Variants in FGF10 observed in about 807,000 individuals in gnomAD.
FGF10 encodes fibroblast growth factor 10, also known as FGF-10.
Under a neutral mutation model 19.8 loss-of-function variants are expected in FGF10, and 2 were observed. That is an observed-to-expected ratio of 0.10 (90% CI 0.04 to 0.32). The LOEUF is 0.32. Ranked by LOEUF, FGF10 falls within the 10% of genes least tolerant of loss-of-function variation. The probability of loss-of-function intolerance (pLI) is 1.00; values close to 1 mark genes in which losing one functional copy is unlikely to be tolerated. For synonymous variants in FGF10, 112 were observed against 94.0 expected (o/e 1.19, Z -1.10); for missense variants, 191 against 246.3 (o/e 0.78, Z 1.50).
chr5:44,355,402 G>A (rs886672261), intron 1 of FGF10, among the ~76,000 whole-genome samples: 8 of 151,316 alleles, frequency 5.3e-5, no homozygotes, highest in Admixed American at 4.6e-4. Context: ...AACAGTATAA[G>A]GATCTGATAT....
chr5:44,370,230 C>G (rs545350505), intron 1 of FGF10, among the ~76,000 whole-genome samples: 2 of 152,204 alleles, frequency 1.3e-5, no homozygotes, highest in Admixed American at 1.3e-4. Flanking sequence ...TAGAAAGAAT[C>G]TTCTTATAAA....
chr5:44,319,427 G>T (rs1012576782), intron 1 of FGF10, among the ~76,000 whole-genome samples: 7 of 151,892 alleles, frequency 4.6e-5, no homozygotes, highest in Non-Finnish European at 8.8e-5. Flanking sequence ...TAATAAAATG[G>T]GTCAGTAGAG....
intron 1 of FGF10, among the ~76,000 whole-genome samples, chr5:44,326,093 T>C (rs1740608599): frequency 6.6e-6 from 1 of 152,066 alleles, no homozygotes; most frequent in African/African-American, 2.4e-5. Context: ...AAAATAGACA[T>C]GCCCTTAAAA....
At chr5:44,358,631 T>C (rs560553520) in intron 1 of FGF10, among the ~76,000 whole-genome samples, 1 of 151,560 alleles carries the variant, frequency 6.6e-6, no homozygotes, top group East Asian at 2.0e-4. Flanking sequence ...CAGACATAAT[T>C]AACCCCAGTA....
chr5:44,321,053 C>T (rs1740474235), intron 1 of FGF10, among the ~76,000 whole-genome samples: 1 of 152,016 alleles, frequency 6.6e-6, no homozygotes, highest in Non-Finnish European at 1.5e-5. Flanking sequence ...TGAAGGACAC[C>T]ACTTCATCAA....
chr5:44,355,785 T>C (rs1195068690), intron 1 of FGF10, among the ~76,000 whole-genome samples: 1 of 151,422 alleles, frequency 6.6e-6, no homozygotes, highest in Non-Finnish European at 1.5e-5. Context: ...ATTTAAAGCG[T>C]CATGATTCAG....
rs762407366 is a variant in FGF10 at position 44,388,380 on chromosome 5, G to T, written c.303C>A (p.Thr101=). 1.2e-6 allele frequency: 2 copies of T among 1,613,404 alleles called. No homozygotes were observed. Among genetic ancestry groups the T allele is most frequent in the African/African-American group, 1.3e-5 (1 of 74,896 alleles). Residue 101 remains threonine (T), a synonymous_variant, in exon 1 of 3, where the codon ACC becomes ACA. Coordinates refer to ENST00000264664, the MANE Select transcript of FGF10 (RefSeq NM_004465.2). ...KIEKNGKVSG[T]KKENCPYSIL... The stretch of plus-strand genomic sequence containing the variant: ...TACTGTACGGGCAGTTCTCCTTCTT[G>T]GTCCCGCTGACCTTCCCGTTCTTCT...
At position 44,304,897 on chromosome 5, in the gene FGF10, G is replaced by T; in HGVS notation, c.*98C>A. 3 of 1,222,492 alleles carry T rather than the reference G, an allele frequency of 2.5e-6. No homozygotes were observed. The highest frequency in any genetic ancestry group is 1.2e-5 in the South Asian group (1 of 82,404). The allele number at this position is 1,222,492 out of a possible 1,614,324, so 75.7% of individuals were successfully genotyped here. On this transcript the variant is annotated 3_prime_UTR_variant, in exon 3 of 3. Transcript: ENST00000264664. The stretch of plus-strand genomic sequence containing the variant: ...TTTTAAGCAAGCAGACATCTGCAAC[G>T]TGTCTTTGCCTTTCAATCTACTGTC...
chr5:44,321,356 A>T (rs1740482381), intron 1 of FGF10, among the ~76,000 whole-genome samples: 1 of 152,220 alleles, frequency 6.6e-6, no homozygotes, highest in Non-Finnish European at 1.5e-5. Context: ...ACAAGGCAAC[A>T]ATGCTTGTTT....
chr5:44,365,844 A>G (rs1561215827), intron 1 of FGF10, among the ~76,000 whole-genome samples: 1 of 152,034 alleles, frequency 6.6e-6, no homozygotes, highest in Non-Finnish European at 1.5e-5. Flanking sequence ...TCTGGGCAAT[A>G]AGAGTCAGAG....
At chr5:44,343,246 T>A (rs552924239) in intron 1 of FGF10, among the ~76,000 whole-genome samples, 2 of 152,172 alleles carry the variant, frequency 1.3e-5, no homozygotes, top group African/African-American at 4.8e-5. Context: ...TAAAGTCTTA[T>A]CAAATGACAA....
chr5:44,368,875 C>G (rs1471618814), intron 1 of FGF10, among the ~76,000 whole-genome samples: 2 of 151,984 alleles, frequency 1.3e-5, no homozygotes, highest in Non-Finnish European at 2.9e-5. Flanking sequence ...CTTATGTTGT[C>G]CAGACTGATC....
chr5:44,324,248 A>G (rs1740561634), intron 1 of FGF10, among the ~76,000 whole-genome samples: 2 of 152,160 alleles, frequency 1.3e-5, no homozygotes, highest in South Asian at 4.1e-4. Flanking sequence ...AAAAAAAAGA[A>G]AATTATTGAA....
chr5:44,323,557 A>G (rs1740545226), intron 1 of FGF10, among the ~76,000 whole-genome samples: 1 of 152,192 alleles, frequency 6.6e-6, no homozygotes, highest in South Asian at 2.1e-4. Context: ...GATTGATATT[A>G]GAATCCAACA....
rs540745691 is a variant in FGF10 at position 44,340,926 on chromosome 5, C to T, written c.326-30396G>A. On this transcript the variant is annotated intron_variant, in intron 1 of 2. Coordinates refer to ENST00000264664, the MANE Select transcript of FGF10 (RefSeq NM_004465.2). ...AACAAAAGAAAGAAAGAAAGAAAAA[C>T]CATGTCCATGTATAAACCTTAGAAA... 3.8e-4 allele frequency among the ~76,000 whole-genome samples: 58 copies of T among 151,504 alleles called. No individual in the cohort carries two copies. The South Asian group carries it at 7.7e-3, about 20-fold the overall frequency.
intron 1 of FGF10, among the ~76,000 whole-genome samples, chr5:44,335,111 C>G (rs1200310390): frequency 2.6e-5 from 4 of 152,122 alleles, no homozygotes; most frequent in African/African-American, 9.6e-5. Context: ...ACATATAAAT[C>G]TGAATAGTCT....
chr5:44,312,375 T>C (rs1197355140), intron 1 of FGF10, among the ~76,000 whole-genome samples: 1 of 152,040 alleles, frequency 6.6e-6, no homozygotes, highest in East Asian at 1.9e-4. Context: ...AGGTCGGTAA[T>C]AATGGATGTT....
chr5:44,350,943 C>A (rs915441966), intron 1 of FGF10, among the ~76,000 whole-genome samples: 1 of 151,204 alleles, frequency 6.6e-6, no homozygotes, highest in Admixed American at 6.6e-5. Context: ...ATAATGCCCG[C>A]TGATAATTAT....
chr5:44,305,337 A>G (rs374667952), intron 2 of FGF10, 145 bp from the exon 3 acceptor site: 21 of 694,542 alleles, frequency 3.0e-5, no homozygotes, highest in African/African-American at 2.8e-4. Context: ...CATAATGTCA[A>G]CAATAGAAAA....
Sources: gnomAD v4.1 joint callset for allele counts (sites outside exome capture counted in the v4.1 genomes callset) on GRCh38, gnomAD v4.1.1 for gene constraint, MANE v1.5 for transcripts, NCBI Gene and HGNC (gene_info 2026-07-23, HGNC 2026-07-21) for gene names.